FGF12: variants seen among roughly 807,000 people sequenced by gnomAD.
FGF12 encodes the protein fibroblast growth factor 12B.
In FGF12, 14 loss-of-function variants were observed where a neutral mutation model predicts 23.6. The observed-to-expected ratio is 0.59, with a 90% confidence interval of 0.39 to 0.93. The LOEUF (loss-of-function observed/expected upper bound fraction) is 0.93, where lower values mean the gene tolerates loss of function less well. FGF12 is among the 40% of genes least tolerant of loss of function. FGF12 has a pLI of 0.00. For missense variants in FGF12, 175 were observed against 217.8 expected (o/e 0.80, Z 1.24); for synonymous variants, 62 against 77.3 (o/e 0.80, Z 1.04).
chr3:192,500,903 G>A (rs543314821), intron 2 of FGF12, among the ~76,000 whole-genome samples: 4 of 152,148 alleles, frequency 2.6e-5, no homozygotes, highest in East Asian at 1.9e-4. Flanking sequence ...GTTCAAGATC[G>A]CATAAGTGGT....
At chr3:192,431,677 G>A (rs892835921) in intron 2 of FGF12, among the ~76,000 whole-genome samples, 1 of 152,178 alleles carries the variant, frequency 6.6e-6, no homozygotes, top group African/African-American at 2.4e-5. Context: ...TTTCTCCAAT[G>A]ATGACTTGTA....
chr3:192,159,286 A>G (rs1714730358), intron 5 of FGF12, among the ~76,000 whole-genome samples: 2 of 152,180 alleles, frequency 1.3e-5, no homozygotes, highest in South Asian at 4.1e-4. Flanking sequence ...ATTCTCATTT[A>G]GCAGCTTGCT....
At chr3:192,323,528 T>A (rs7630387) in intron 4 of FGF12, among the ~76,000 whole-genome samples, 45,130 of 151,658 alleles carry the variant, frequency 0.3, 9,826 homozygotes, top group African/African-American at 0.61. Flanking sequence ...ACACATGGAG[T>A]TAGAGAGTAG....
At chr3:192,623,059 TTAAA>T (rs1715033862) in intron 2 of FGF12, among the ~76,000 whole-genome samples, 1 of 152,200 alleles carries the variant, frequency 6.6e-6, no homozygotes, top group Admixed American at 6.6e-5. Flanking sequence ...CATTATTCAA[TTAAA>T]TCAAATAAAC....
intron 2 of FGF12, among the ~76,000 whole-genome samples, chr3:192,566,349 A>C (rs1416338041): frequency 1.3e-5 from 2 of 152,232 alleles, no homozygotes; most frequent in Non-Finnish European, 2.9e-5. Flanking sequence ...ATAAAAGAAA[A>C]ATAAGAGATC....
chr3:192,317,752 G>A (rs997824323), intron 4 of FGF12, among the ~76,000 whole-genome samples: 2 of 152,152 alleles, frequency 1.3e-5, no homozygotes, highest in African/African-American at 4.8e-5. Context: ...TAACCAGACA[G>A]TGCTCACCAC....
chr3:192,678,968 G>A (rs1181007743), intron 2 of FGF12, among the ~76,000 whole-genome samples: 2 of 152,124 alleles, frequency 1.3e-5, no homozygotes, highest in African/African-American at 2.4e-5. Context: ...GGGTTATGCG[G>A]GTGAGGCCCA....
intron 5 of FGF12, among the ~76,000 whole-genome samples, chr3:192,161,343 A>C (rs73191575): frequency 0.13 from 20,537 of 152,158 alleles, 1,614 homozygotes; most frequent in Admixed American, 0.18. Context: ...GCTGTCCTTA[A>C]TTCTTCCATG....
rs1417864352 is a variant in FGF12, at chr3:192,702,716, C to T, written c.13+24465G>A. On this transcript the variant is annotated intron_variant, in intron 2 of 5. Transcript: ENST00000445105. ...CTGAGGTGGCAGGATCACTAGAACCCGGGAGGAGGAGATTGCAGTGAGCTG... is the reference window on the plus strand; with the variant it reads ...CTGAGGTGGCAGGATCACTAGAACCTGGGAGGAGGAGATTGCAGTGAGCTG... Among the ~76,000 whole-genome samples, 5 of 152,086 alleles carry T rather than the reference C, an allele frequency of 3.3e-5. No individual in the cohort carries two copies. The South Asian group carries it at 8.3e-4, about 25-fold the overall frequency.
intron 2 of FGF12, among the ~76,000 whole-genome samples, chr3:192,628,097 T>C (rs1715242183): frequency 6.6e-6 from 1 of 152,202 alleles, no homozygotes; most frequent in South Asian, 2.1e-4. Context: ...AACGTGATTA[T>C]ACAGTAAATA....
intron 2 of FGF12, among the ~76,000 whole-genome samples, chr3:192,617,565 T>C (rs1288208995): frequency 6.6e-6 from 1 of 152,118 alleles, no homozygotes; most frequent in African/African-American, 2.4e-5. Context: ...GCCACAGGCA[T>C]CATAAGGCAC....
At chr3:192,648,491 T>A (rs942325805) in intron 2 of FGF12, among the ~76,000 whole-genome samples, 1 of 152,088 alleles carries the variant, frequency 6.6e-6, no homozygotes, top group South Asian at 2.1e-4. Flanking sequence ...GATTTTTTTT[T>A]TTTTTAGTCT....
chr3:192,157,782 G>T (rs1022112648), intron 5 of FGF12, among the ~76,000 whole-genome samples: 4 of 152,170 alleles, frequency 2.6e-5, no homozygotes, highest in African/African-American at 7.2e-5. Context: ...AATAAACCGG[G>T]TGCCAAGTAC....
At chr3:192,213,313 A>G (rs780218151) in intron 4 of FGF12, among the ~76,000 whole-genome samples, 4 of 151,904 alleles carry the variant, frequency 2.6e-5, no homozygotes, top group Non-Finnish European at 4.4e-5. Context: ...TGTAGTCAGT[A>G]GGGAGCTCTG....
At chr3:192,468,194 T>C (rs536818829) in intron 2 of FGF12, among the ~76,000 whole-genome samples, 29 of 152,356 alleles carry the variant, frequency 1.9e-4, no homozygotes, top group African/African-American at 6.7e-4. Context: ...ATGAGTAGCA[T>C]TCCTGTATAT....
intron 2 of FGF12, among the ~76,000 whole-genome samples, chr3:192,615,134 A>G (rs1278514499): frequency 2.0e-5 from 3 of 151,942 alleles, no homozygotes; most frequent in Non-Finnish European, 4.4e-5. Flanking sequence ...GCCTTCACGG[A>G]GTTTACAGTA....
intron 4 of FGF12, among the ~76,000 whole-genome samples, chr3:192,210,629 G>A (rs1717879155): frequency 6.6e-6 from 1 of 152,230 alleles, no homozygotes; most frequent in African/African-American, 2.4e-5. Context: ...CAGCACTTCT[G>A]TTTGACCTCG....
chr3:192,254,855 T>G (rs1374516397), intron 4 of FGF12, among the ~76,000 whole-genome samples: 1 of 152,102 alleles, frequency 6.6e-6, no homozygotes, highest in Non-Finnish European at 1.5e-5. Flanking sequence ...CCTTAATATT[T>G]ATTTTATAAT....
chr3:192,606,443 T>C (rs77742003), intron 2 of FGF12, among the ~76,000 whole-genome samples: 5,634 of 152,182 alleles, frequency 0.037, 341 homozygotes, highest in African/African-American at 0.13. Flanking sequence ...ACTTGGGTGA[T>C]GGGATCAACT....
Sources: allele counts gnomAD v4.1 joint callset (sites outside exome capture counted in the v4.1 genomes callset), GRCh38; gene constraint gnomAD v4.1.1; transcripts MANE v1.5; gene names NCBI Gene and HGNC (gene_info 2026-07-23, HGNC 2026-07-21).